PCDHA3: variants seen among roughly 807,000 people sequenced by gnomAD.
PCDHA3 encodes protocadherin alpha 3, also known as protocadherin alpha-3.
In PCDHA3, 41 loss-of-function variants were observed where a neutral mutation model predicts 62.2. The ratio of observed to expected loss-of-function variants is 0.66; its 90% CI spans 0.51 to 0.86. PCDHA3 has a LOEUF of 0.86. Among genes scored for constraint, PCDHA3 ranks in the 40% least tolerant of loss-of-function variants. The pLI, the probability that PCDHA3 is intolerant of heterozygous loss-of-function variation, is 0.00. For synonymous variants in PCDHA3, 640 were observed against 555.4 expected (o/e 1.15, Z -2.14); for missense variants, 1,304 against 1,241.2 (o/e 1.05, Z -0.76).
intron 1 of PCDHA3, chr5:140,829,711 G>T (rs2150173108): frequency 1.9e-6 from 3 of 1,613,460 alleles, no homozygotes; most frequent in Non-Finnish European, 1.7e-6. Flanking sequence ...CGCGCGACGC[G>T]GGCGTGCCGC....
At position 140,857,752 on chromosome 5, in the gene PCDHA3, C is replaced by G. The variant is rs7725388; in HGVS notation, c.2394+54161C>G. ...ACGCTCCCGCGCTGCTGGCGTCTCCCGCTGGCAGCGCGGGCGGTGCAGTCA... is the reference window on the plus strand; with the variant it reads ...ACGCTCCCGCGCTGCTGGCGTCTCCGGCTGGCAGCGCGGGCGGTGCAGTCA... On this transcript the variant is annotated intron_variant, in intron 1 of 3. Transcript: ENST00000522353. The G allele has an allele frequency of 4.5e-3, 7,184 of 1,597,166 alleles. 625 individuals are homozygous for G. The African/African-American group carries it at 0.078, about 17-fold the overall frequency.
At position 140,802,281 on chromosome 5, in the gene PCDHA3, GACTCTCC is replaced by G; in HGVS notation, c.1088_1094del (p.Ser363LeufsTer7). 6.2e-7 allele frequency: 1 copy of G among 1,614,216 alleles called. No homozygotes were observed. Among genetic ancestry groups the G allele is most frequent in the Non-Finnish European group, 8.5e-7 (1 of 1,180,038 alleles). ...ATCACTATCTTTACCTGTATTAGAA[GACTCTCC>G]ACTTAGCACAGTCATCGCTCTGATC... On this transcript the variant is annotated frameshift_variant, in exon 1 of 4. Transcript: ENST00000522353. LOFTEE classifies it high-confidence loss of function.
intron 1 of PCDHA3, chr5:140,967,975 T>C (rs781819149): frequency 3.2e-5 from 52 of 1,614,016 alleles, no homozygotes; most frequent in African/African-American, 5.3e-5. Context: ...TGAGCCTGGG[T>C]CTGGAGGCCA....
At chr5:140,984,964 G>A (rs930753325) in intron 3 of PCDHA3, among the ~76,000 whole-genome samples, 1 of 151,936 alleles carries the variant, frequency 6.6e-6, no homozygotes. Context: ...TTGAGACAGA[G>A]TCTCGCTCTG....
intron 1 of PCDHA3, among the ~76,000 whole-genome samples, chr5:140,838,081 T>TA (rs1554136867): frequency 2.0e-3 from 27 of 13,358 alleles, no homozygotes; most frequent in Middle Eastern, 0.036. Flanking sequence ...ATATATAGTG[T>TA]GTGTGTGTGT....
chr5:141,009,174 G>A (rs1281128951), intron 3 of PCDHA3, among the ~76,000 whole-genome samples: 1 of 152,228 alleles, frequency 6.6e-6, no homozygotes, highest in African/African-American at 2.4e-5. Flanking sequence ...ACTGGCCTTG[G>A]CTGGGTGTGG....
At position 140,877,018 on chromosome 5, in the gene PCDHA3, A is replaced by C; in HGVS notation, c.2394+73427A>C. On this transcript the variant is annotated intron_variant, in intron 1 of 3. Transcript: ENST00000522353. ...CGTGTCGGTGCACGCGGAGAGCGGC[A>C]AGGTGTACGCGCTGCAGCCGCTAGA... 1 of 1,612,420 alleles carries C rather than the reference A, an allele frequency of 6.2e-7. No homozygotes were observed. Among genetic ancestry groups the C allele is most frequent in the Non-Finnish European group, 8.5e-7 (1 of 1,179,802 alleles).
intron 1 of PCDHA3, among the ~76,000 whole-genome samples, chr5:140,874,947 T>C (rs2055188699): frequency 6.6e-6 from 1 of 152,240 alleles, no homozygotes; most frequent in African/African-American, 2.4e-5. Flanking sequence ...AACAGCGGAA[T>C]TGTAAGCTAT....
intron 1 of PCDHA3, among the ~76,000 whole-genome samples, chr5:140,941,214 C>CTTTTT (rs1554214039): frequency 1.2e-4 from 15 of 122,492 alleles, no homozygotes; most frequent in African/African-American, 4.3e-4. Context: ...TTTCTTTCTT[C>CTTTTT]CTTTCTTTCT....
chr5:140,870,420 G>C lies in PCDHA3; in HGVS notation c.2394+66829G>C, dbSNP rs371557347. 1.3e-4 allele frequency: 208 copies of C among 1,614,234 alleles called. No homozygotes were observed. The highest frequency in any genetic ancestry group is 1.7e-4 in the Non-Finnish European group (202 of 1,180,052). Reference sequence around the variant, plus strand: ...CGCCTTCTCTGTGGGCCACGGCCAGGGTATCCGTGGAGGTGGCCGACGTGA... The same window carrying C: ...CGCCTTCTCTGTGGGCCACGGCCAGCGTATCCGTGGAGGTGGCCGACGTGA... On this transcript the variant is annotated intron_variant, in intron 1 of 3. Transcript: ENST00000522353.
chr5:141,002,080 C>A (rs1220737696), intron 3 of PCDHA3, among the ~76,000 whole-genome samples: 1 of 152,236 alleles, frequency 6.6e-6, no homozygotes, highest in Non-Finnish European at 1.5e-5. Context: ...CGCCAAAGAA[C>A]GAGCAGTCCA....
intron 1 of PCDHA3, chr5:140,930,423 A>C (rs1366004853): frequency 6.6e-6 from 1 of 151,862 alleles, no homozygotes; most frequent in Non-Finnish European, 1.5e-5. Flanking sequence ...GGGTCTCACT[A>C]TGTTGCCCAG....
At chr5:140,933,458 C>G (rs1040429377) in intron 1 of PCDHA3, among the ~76,000 whole-genome samples, 2 of 151,968 alleles carry the variant, frequency 1.3e-5, no homozygotes, top group Non-Finnish European at 2.9e-5. Flanking sequence ...TCAAAATATA[C>G]TCTGAATTCA....
intron 1 of PCDHA3, among the ~76,000 whole-genome samples, chr5:140,958,652 G>C (rs991773774): frequency 6.6e-6 from 1 of 152,030 alleles, no homozygotes; most frequent in East Asian, 1.9e-4. Context: ...ATCACAGAAA[G>C]CTATGATGAA....
intron 1 of PCDHA3, chr5:140,849,113 G>A: frequency 1.4e-6 from 2 of 1,434,592 alleles, no homozygotes; most frequent in Non-Finnish European, 1.9e-6. Context: ...AAGAAACTCC[G>A]GAGCTTCATT....
intron 1 of PCDHA3, chr5:140,823,602 G>A (rs1554129473): frequency 1.9e-6 from 3 of 1,613,916 alleles, no homozygotes; most frequent in Admixed American, 1.7e-5. Flanking sequence ...TTTCGTATGA[G>A]CTGCAGCCAG....
chr5:140,857,913 G>A (rs559667430), intron 1 of PCDHA3: 1 of 1,597,802 alleles, frequency 6.3e-7, no homozygotes, highest in East Asian at 2.2e-5. Context: ...ATCCCGTTTC[G>A]CGTGGGGCTG....
intron 1 of PCDHA3, among the ~76,000 whole-genome samples, chr5:140,976,681 A>T (rs2096726641): frequency 6.6e-6 from 1 of 152,206 alleles, no homozygotes; most frequent in Non-Finnish European, 1.5e-5. Context: ...TCATTTTTGC[A>T]ATTTAAGTAC....
rs2150258663 is a variant in PCDHA3 at position 140,836,358 on chromosome 5, C to G, written c.2394+32767C>G. On this transcript the variant is annotated intron_variant, in intron 1 of 3. Coordinates refer to ENST00000522353, the MANE Select transcript of PCDHA3 (RefSeq NM_018906.3). ...TGTGAAGGACCACGGGGAGCCCTCGCTGACAGCCACAGCCACCGTGCTGGT... is the reference window on the plus strand; with the variant it reads ...TGTGAAGGACCACGGGGAGCCCTCGGTGACAGCCACAGCCACCGTGCTGGT... The G allele has an allele frequency of 3.9e-5, 63 of 1,613,690 alleles. No individual in the cohort carries two copies. The highest frequency in any genetic ancestry group is 3.3e-4 in the Middle Eastern group (2 of 6,062).
Sources: allele counts gnomAD v4.1 joint callset (sites outside exome capture counted in the v4.1 genomes callset), GRCh38; gene constraint gnomAD v4.1.1; transcripts MANE v1.5; gene names NCBI Gene and HGNC (gene_info 2026-07-23, HGNC 2026-07-21).